The following FRMD4B variants were observed in gnomAD, a reference collection of about 807,000 sequenced individuals.
FRMD4B encodes FERM domain-containing protein 4B.
Under a neutral mutation model 141.5 loss-of-function variants are expected in FRMD4B, and 74 were observed. That is an observed-to-expected ratio of 0.52 (90% CI 0.43 to 0.63). FRMD4B has a LOEUF of 0.63. FRMD4B is among the 30% of genes least tolerant of loss of function. FRMD4B has a pLI of 0.00. For synonymous variants in FRMD4B, 506 were observed against 467.9 expected (o/e 1.08, Z -1.05); for missense variants, 1,366 against 1,253.4 (o/e 1.09, Z -1.36).
chr3:69,363,420 T>C (rs1703535443), intron 1 of FRMD4B, among the ~76,000 whole-genome samples: 1 of 147,450 alleles, frequency 6.8e-6, no homozygotes, highest in African/African-American at 2.5e-5. Flanking sequence ...GACGGAGTCT[T>C]GCTCTGTTGC....
intron 2 of FRMD4B, among the ~76,000 whole-genome samples, chr3:69,404,478 C>G (rs1258452934): frequency 6.6e-6 from 1 of 152,090 alleles, no homozygotes; most frequent in African/African-American, 2.4e-5. Context: ...TTTCATGAAA[C>G]AGCCATTAAT....
chr3:69,447,722 A>G (rs2106879271), intron 1 of FRMD4B, among the ~76,000 whole-genome samples: 1 of 152,266 alleles, frequency 6.6e-6, no homozygotes, highest in East Asian at 1.9e-4. Flanking sequence ...CCCTTCCCTT[A>G]GGAAACCACT....
intron 1 of FRMD4B, among the ~76,000 whole-genome samples, chr3:69,515,741 G>C (rs1700746678): frequency 6.6e-6 from 1 of 152,152 alleles, no homozygotes; most frequent in South Asian, 2.1e-4. Context: ...AAGGATGATA[G>C]AGTTCAAAGG....
intron 1 of FRMD4B, among the ~76,000 whole-genome samples, chr3:69,362,827 C>A (rs1309166415): frequency 6.6e-6 from 1 of 152,016 alleles, no homozygotes; most frequent in Non-Finnish European, 1.5e-5. Flanking sequence ...CCATCTTATT[C>A]TGAACTTAAA....
At chr3:69,370,604 C>T (rs560850718) in intron 1 of FRMD4B, among the ~76,000 whole-genome samples, 1 of 152,230 alleles carries the variant, frequency 6.6e-6, no homozygotes, top group Admixed American at 6.5e-5. Flanking sequence ...AAAGAATAAA[C>T]CCACACATAC....
At chr3:69,446,484 C>A (rs943747040) in intron 1 of FRMD4B, among the ~76,000 whole-genome samples, 4 of 152,074 alleles carry the variant, frequency 2.6e-5, no homozygotes, top group Admixed American at 2.6e-4. Context: ...AGGCACACAC[C>A]ACCACACCTG....
intron 1 of FRMD4B, among the ~76,000 whole-genome samples, chr3:69,486,613 A>G (rs534604886): frequency 3.9e-5 from 6 of 152,294 alleles, no homozygotes; most frequent in Non-Finnish European, 7.4e-5. Flanking sequence ...ATTTACATTG[A>G]ATCTTGGAAA....
chr3:69,205,444 A>T (rs556040478), intron 11 of FRMD4B, among the ~76,000 whole-genome samples: 29 of 152,258 alleles, frequency 1.9e-4, no homozygotes, highest in African/African-American at 7.0e-4. Context: ...CCTGGGCTCA[A>T]GGAATCCTTC....
chr3:69,527,095 G>A (rs1700940977), intron 1 of FRMD4B, among the ~76,000 whole-genome samples: 1 of 151,988 alleles, frequency 6.6e-6, no homozygotes, highest in African/African-American at 2.4e-5. Context: ...CTCCGTCCTG[G>A]GGCATGGGTC....
At chr3:69,324,485 C>T (rs138039164) in intron 1 of FRMD4B, among the ~76,000 whole-genome samples, 2 of 152,302 alleles carry the variant, frequency 1.3e-5, no homozygotes, top group African/African-American at 4.8e-5. Flanking sequence ...AGCCAGATAA[C>T]TCATTATTGC....
intron 2 of FRMD4B, among the ~76,000 whole-genome samples, chr3:69,416,532 CT>C (rs1050146662): frequency 9.9e-5 from 15 of 151,746 alleles, no homozygotes; most frequent in African/African-American, 2.9e-4. Context: ...CAAACCTGTT[CT>C]TTTTTTTTAA....
At chr3:69,198,648 G>A (rs752385728) in intron 12 of FRMD4B, 50 bp downstream of exon 12, 20 of 852,924 alleles carry the variant, frequency 2.3e-5, no homozygotes, top group African/African-American at 1.2e-4. Context: ...TGATAGCAGC[G>A]TTATTTGTAT....
At chr3:69,412,304 G>C (rs569179507) in intron 2 of FRMD4B, among the ~76,000 whole-genome samples, 6 of 152,288 alleles carry the variant, frequency 3.9e-5, no homozygotes, top group Admixed American at 2.0e-4. Context: ...GATAAACTGA[G>C]GACACTTGAT....
intron 1 of FRMD4B, among the ~76,000 whole-genome samples, chr3:69,534,654 T>C (rs1701057523): frequency 6.6e-6 from 1 of 152,226 alleles, no homozygotes; most frequent in Non-Finnish European, 1.5e-5. Context: ...ACAGACTCTC[T>C]TTGGGGCTCA....
At chr3:69,289,793 C>CT (rs2107085112) in intron 4 of FRMD4B, among the ~76,000 whole-genome samples, 1 of 152,202 alleles carries the variant, frequency 6.6e-6, no homozygotes, top group East Asian at 1.9e-4. Flanking sequence ...GAGGGAGACT[C>CT]TGTCTCAAAA....
chr3:69,310,869 T>C (rs2107221501), intron 3 of FRMD4B, among the ~76,000 whole-genome samples: 1 of 152,266 alleles, frequency 6.6e-6, no homozygotes, highest in South Asian at 2.1e-4. Context: ...GGCCACAAAT[T>C]TGCCTTTAAG....
chr3:69,410,205 G>T (rs1376310223), intron 2 of FRMD4B, among the ~76,000 whole-genome samples: 2 of 152,142 alleles, frequency 1.3e-5, no homozygotes, highest in African/African-American at 4.8e-5. Context: ...TCTTGCTCCT[G>T]ACTATTCCTC....
intron 7 of FRMD4B, among the ~76,000 whole-genome samples, chr3:69,236,250 A>G (rs1479492469): frequency 1.4e-5 from 2 of 145,880 alleles, no homozygotes; most frequent in Admixed American, 1.4e-4. Flanking sequence ...TTTTTCCGAG[A>G]TGGAGTCTCG....
intron 22 of FRMD4B, among the ~76,000 whole-genome samples, chr3:69,174,845 T>TA (rs1249540200): frequency 6.6e-6 from 1 of 152,316 alleles, no homozygotes; most frequent in African/African-American, 2.4e-5. Flanking sequence ...AATATATTAT[T>TA]AAAAAATGGT....
Sources: allele counts gnomAD v4.1 joint callset (sites outside exome capture counted in the v4.1 genomes callset), GRCh38; gene constraint gnomAD v4.1.1; transcripts MANE v1.5; gene names NCBI Gene and HGNC (gene_info 2026-07-23, HGNC 2026-07-21).